Variants in DLGAP2 observed in about 807,000 individuals in gnomAD.
DLGAP2 encodes DLG associated protein 2.
A neutral mutation model predicts 100.3 loss-of-function variants in DLGAP2; 26 were observed. The observed-to-expected ratio is 0.26, with a 90% confidence interval of 0.19 to 0.36. The LOEUF is 0.36. Among genes scored for constraint, DLGAP2 ranks in the 10% least tolerant of loss-of-function variants. DLGAP2 has a pLI of 1.00. For missense variants in DLGAP2, 1,858 were observed against 1,453.2 expected, an observed-to-expected ratio of 1.28 and a Z score of -4.53; for synonymous variants, 886 against 630.1, an observed-to-expected ratio of 1.41 and a Z score of -6.08.
chr8:1,620,046 C>T (rs987573914), intron 6 of DLGAP2, among the ~76,000 whole-genome samples: 4 of 152,090 alleles, frequency 2.6e-5, no homozygotes, highest in Non-Finnish European at 4.4e-5. Flanking sequence ...GTTGCTTCAT[C>T]CCCCCATCCA....
chr8:1,140,999 G>A (rs543709641), intron 2 of DLGAP2, among the ~76,000 whole-genome samples: 2 of 152,272 alleles, frequency 1.3e-5, no homozygotes, highest in African/African-American at 4.8e-5. Flanking sequence ...AGATAAAAAT[G>A]ATAAGTTCTC....
intron 2 of DLGAP2, among the ~76,000 whole-genome samples, chr8:1,247,262 T>G (rs796383429): frequency 8.6e-6 from 1 of 115,826 alleles, no homozygotes; most frequent in Admixed American, 8.3e-5. Context: ...TTGAGATCAG[T>G]GTGGGAGTGA....
At chr8:1,387,126 C>T (rs1796239412) in intron 3 of DLGAP2, among the ~76,000 whole-genome samples, 1 of 152,134 alleles carries the variant, frequency 6.6e-6, no homozygotes, top group African/African-American at 2.4e-5. Flanking sequence ...ACAGCAGAGC[C>T]GTCGTGATCA....
chr8:963,362 A>C (rs1467985451), intron 2 of DLGAP2, among the ~76,000 whole-genome samples: 1 of 152,166 alleles, frequency 6.6e-6, no homozygotes, highest in Non-Finnish European at 1.5e-5. Flanking sequence ...CGTATTTTGG[A>C]ATGTGAGCTC....
At chr8:1,057,023 G>T (rs1057158661) in intron 2 of DLGAP2, among the ~76,000 whole-genome samples, 1 of 152,180 alleles carries the variant, frequency 6.6e-6, no homozygotes, top group Non-Finnish European at 1.5e-5. Context: ...AGAACTCATG[G>T]ACCCACCAGA....
intron 3 of DLGAP2, among the ~76,000 whole-genome samples, chr8:1,432,618 G>T (rs537640090): frequency 6.6e-6 from 1 of 152,334 alleles, no homozygotes; most frequent in African/African-American, 2.4e-5. Flanking sequence ...GGCCTTTTAA[G>T]TTAATTGTAA....
chr8:811,778 G>A lies in DLGAP2; in HGVS notation c.18+73953G>A, dbSNP rs918012303. On this transcript the variant is annotated intron_variant, in intron 1 of 14. Transcript: ENST00000637795. ...GCCAGGGCTCCTGCCGTGGTGAGAGGCCACCAGCTTTCAGATGAAGCTCCC... is the reference window on the plus strand; with the variant it reads ...GCCAGGGCTCCTGCCGTGGTGAGAGACCACCAGCTTTCAGATGAAGCTCCC... 5.9e-5 allele frequency among the ~76,000 whole-genome samples: 9 copies of A among 152,330 alleles called. No homozygotes were observed. The East Asian group carries it at 1.7e-3, about 29-fold the overall frequency.
intron 1 of DLGAP2, among the ~76,000 whole-genome samples, chr8:863,766 G>A (rs1051717183): frequency 1.3e-5 from 2 of 152,162 alleles, no homozygotes; most frequent in African/African-American, 4.8e-5. Context: ...ACTCTTACAC[G>A]CTGTTGATGG....
intron 2 of DLGAP2, among the ~76,000 whole-genome samples, chr8:1,157,360 G>A (rs1443909080): frequency 6.6e-6 from 1 of 152,216 alleles, no homozygotes; most frequent in Non-Finnish European, 1.5e-5. Flanking sequence ...CCCTCAGGGA[G>A]TTCGAGTCCT....
intron 8 of DLGAP2, among the ~76,000 whole-genome samples, chr8:1,641,653 T>G (rs1200022576): frequency 2.0e-5 from 3 of 152,038 alleles, no homozygotes; most frequent in African/African-American, 4.8e-5. Context: ...GGGGATGGAG[T>G]CAGAAGTCCA....
At chr8:1,146,268 A>G (rs1796603933) in intron 2 of DLGAP2, among the ~76,000 whole-genome samples, 1 of 152,090 alleles carries the variant, frequency 6.6e-6, no homozygotes, top group South Asian at 2.1e-4. Context: ...CTGCCATCTG[A>G]TATCGCGTAG....
At chr8:1,136,346 C>G (rs1288320438) in intron 2 of DLGAP2, among the ~76,000 whole-genome samples, 1 of 152,152 alleles carries the variant, frequency 6.6e-6, no homozygotes. Flanking sequence ...GCTTGTAACT[C>G]AGATGCCCCG....
intron 2 of DLGAP2, among the ~76,000 whole-genome samples, chr8:994,109 C>T (rs1039410807): frequency 6.6e-6 from 1 of 152,128 alleles, no homozygotes; most frequent in Non-Finnish European, 1.5e-5. Flanking sequence ...TTAGAAATCG[C>T]CACTGCACTA....
At chr8:918,062 C>T (rs1003090395) in intron 2 of DLGAP2, among the ~76,000 whole-genome samples, 1 of 152,010 alleles carries the variant, frequency 6.6e-6, no homozygotes, top group Non-Finnish European at 1.5e-5. Flanking sequence ...GATATTCAGC[C>T]CTGCAATTTG....
chr8:1,612,693 A>G (rs1439068150), intron 6 of DLGAP2, among the ~76,000 whole-genome samples: 1 of 118,360 alleles, frequency 8.4e-6, no homozygotes, highest in East Asian at 2.5e-4. Context: ...ACAAATTTAC[A>G]AGAAAAAAAC....
intron 1 of DLGAP2, among the ~76,000 whole-genome samples, chr8:761,190 C>T (rs539566658): frequency 5.3e-5 from 8 of 152,286 alleles, no homozygotes; most frequent in African/African-American, 9.6e-5. Flanking sequence ...TGCTCCCCCC[C>T]ACTTTACTTT....
At chr8:1,415,936 T>A (rs1180291952) in intron 3 of DLGAP2, among the ~76,000 whole-genome samples, 1 of 152,182 alleles carries the variant, frequency 6.6e-6, no homozygotes, top group Non-Finnish European at 1.5e-5. Flanking sequence ...TAGAAACTCC[T>A]TGAGGGGTCA....
intron 2 of DLGAP2, among the ~76,000 whole-genome samples, chr8:1,128,114 CGTGAGGACCTGCTCCCCGTGTTGTGTTCG>C (rs1796209650): frequency 1.4e-5 from 2 of 146,676 alleles, no homozygotes; most frequent in Admixed American, 6.8e-5. Context: ...TGTTGTGTTC[CGTGAGGACCTGCTCCCCGTGTTGTGTTCG>C]GTGAGGACCT....
At chr8:1,203,104 G>T (rs1797914888) in intron 2 of DLGAP2, among the ~76,000 whole-genome samples, 1 of 144,656 alleles carries the variant, frequency 6.9e-6, no homozygotes, top group African/African-American at 2.5e-5. Flanking sequence ...TTCTCTTAGG[G>T]TTTTTGTTTG....
Sources: allele counts gnomAD v4.1 joint callset (sites outside exome capture counted in the v4.1 genomes callset), GRCh38; gene constraint gnomAD v4.1.1; transcripts MANE v1.5; gene names NCBI Gene and HGNC (gene_info 2026-07-23, HGNC 2026-07-21).